Variants in COL25A1 observed in about 807,000 individuals in gnomAD.
COL25A1 encodes the protein collagen alpha-1(XXV) chain.
A neutral mutation model predicts 128.4 loss-of-function variants in COL25A1; 103 were observed. The observed-to-expected ratio is 0.80, with a 90% CI of 0.68 to 0.94. COL25A1 has a LOEUF of 0.94. Among genes scored for constraint, COL25A1 ranks in the 40% least tolerant of loss-of-function variants. The probability of loss-of-function intolerance (pLI) is 0.00; values close to 1 mark genes in which losing one functional copy is unlikely to be tolerated. For missense variants in COL25A1, 745 were observed against 840.0 expected, an observed-to-expected ratio of 0.89 and a Z score of 1.40; for synonymous variants, 279 against 277.2, an observed-to-expected ratio of 1.01 and a Z score of -0.06.
chr4:109,241,923 A>T (rs969444567), intron 3 of COL25A1, among the ~76,000 whole-genome samples: 1 of 152,026 alleles, frequency 6.6e-6, no homozygotes, highest in African/African-American at 2.4e-5. Flanking sequence ...ATATACTTCT[A>T]CTGCACTTTT....
chr4:109,197,021 A>G (rs1034133337), intron 3 of COL25A1, among the ~76,000 whole-genome samples: 2 of 152,064 alleles, frequency 1.3e-5, no homozygotes, highest in African/African-American at 2.4e-5. Context: ...GTAAATATGT[A>G]AAGTCACAGG....
intron 3 of COL25A1, among the ~76,000 whole-genome samples, chr4:109,069,684 G>A (rs1762751161): frequency 6.6e-6 from 1 of 152,148 alleles, no homozygotes; most frequent in African/African-American, 2.4e-5. Flanking sequence ...GACGTGCAGT[G>A]CAAGCCAAGA....
At chr4:109,239,732 A>T (rs1285219767) in intron 3 of COL25A1, among the ~76,000 whole-genome samples, 1 of 151,892 alleles carries the variant, frequency 6.6e-6, no homozygotes, top group African/African-American at 2.4e-5. Flanking sequence ...TTTATTTTTT[A>T]AAATTTTCTC....
chr4:108,932,229 T>C (rs1746839813), intron 11 of COL25A1, among the ~76,000 whole-genome samples: 1 of 152,200 alleles, frequency 6.6e-6, no homozygotes, highest in Admixed American at 6.5e-5. Context: ...AAATTGAACA[T>C]ATTTAAAGTA....
At chr4:109,041,989 G>A (rs548822134) in intron 5 of COL25A1, among the ~76,000 whole-genome samples, 11 of 152,216 alleles carry the variant, frequency 7.2e-5, no homozygotes, top group South Asian at 2.1e-4. Context: ...GAAATAGACC[G>A]TAGGAAAAAA....
rs1413657808 is a variant in COL25A1, at chr4:108,886,488, G to GTTTTTTT, written c.976-2267_976-2266insAAAAAAA. On this transcript the variant is annotated intron_variant, in intron 18 of 37. Coordinates refer to ENST00000399132, the MANE Select transcript of COL25A1 (RefSeq NM_198721.4). ...TGTGTGTGTGTGTGTGTGTGTGTGT[G>GTTTTTTT]TGTGTTTAGCTCATCAGCTATTTTA... Among the ~76,000 whole-genome samples the GTTTTTTT allele has an allele frequency of 1.9e-3, 92 of 49,462 alleles. 1 individual carries two copies. The highest frequency in any genetic ancestry group is 5.9e-3 in the African/African-American group (91 of 15,478). The allele number at this position is 49,462 out of a possible 152,430, so 32.4% of individuals were successfully genotyped here. A position where few individuals can be genotyped will look rare whatever the true frequency, so the allele number is the denominator to read the frequency against.
chr4:109,285,789 C>T (rs925110292), intron 3 of COL25A1, among the ~76,000 whole-genome samples: 2 of 152,154 alleles, frequency 1.3e-5, no homozygotes, highest in Non-Finnish European at 2.9e-5. Flanking sequence ...GAAATCAATC[C>T]TGGTAGGATA....
chr4:108,895,820 A>G (rs1441482731), intron 16 of COL25A1, among the ~76,000 whole-genome samples: 1 of 151,552 alleles, frequency 6.6e-6, no homozygotes, highest in African/African-American at 2.4e-5. Context: ...TGCACCCATC[A>G]CCCAAGCAAT....
intron 3 of COL25A1, among the ~76,000 whole-genome samples, chr4:109,291,470 A>C (rs1446871745): frequency 6.6e-6 from 1 of 152,108 alleles, no homozygotes; most frequent in Admixed American, 6.6e-5. Context: ...AAAGTCTCAG[A>C]GATCTTAGAA....
intron 20 of COL25A1, among the ~76,000 whole-genome samples, chr4:108,867,096 T>C (rs867108809): frequency 6.6e-6 from 1 of 152,158 alleles, no homozygotes; most frequent in Admixed American, 6.6e-5. Context: ...CATCTGGAAA[T>C]TTTTCTGAAA....
At chr4:108,983,589 G>A (rs1281380220) in intron 6 of COL25A1, among the ~76,000 whole-genome samples, 4 of 152,156 alleles carry the variant, frequency 2.6e-5, no homozygotes, top group African/African-American at 4.8e-5. Flanking sequence ...GAATGAAGCC[G>A]CGGACCCTCG....
chr4:108,846,383 T>C (rs1735102582), intron 27 of COL25A1, among the ~76,000 whole-genome samples, 164 bp from the exon 28 acceptor site: 1 of 152,230 alleles, frequency 6.6e-6, no homozygotes, highest in Admixed American at 6.5e-5. Flanking sequence ...AGCAACCTTC[T>C]ACATGCAATC....
chr4:109,231,985 C>T (rs558226003), intron 3 of COL25A1, among the ~76,000 whole-genome samples: 77 of 152,226 alleles, frequency 5.1e-4, no homozygotes, highest in African/African-American at 1.8e-3. Flanking sequence ...AGTTCTTTGG[C>T]CCTGGATAAT....
chr4:108,848,309 G>A lies in COL25A1; in HGVS notation c.1434+450C>T, dbSNP rs907385833. Among the ~76,000 whole-genome samples, 7 of 152,186 alleles carry A rather than the reference G, an allele frequency of 4.6e-5. No individual in the cohort carries two copies. The East Asian group carries it at 1.4e-3, about 29-fold the overall frequency. On this transcript the variant is annotated intron_variant, in intron 27 of 37. Transcript: ENST00000399132. ...CTGTCAAGCTACAAGTTCCCTGCTT[G>A]TTTCTGTATTTTCTAAGGATCTAGG...
At position 108,824,160 on chromosome 4, in the gene COL25A1, G is replaced by A; in HGVS notation, c.1845+14C>T. 1 of 1,614,048 alleles carries A rather than the reference G, an allele frequency of 6.2e-7. No homozygotes were observed. The highest frequency in any genetic ancestry group is 8.5e-7 in the Non-Finnish European group (1 of 1,179,948). On this transcript the variant is annotated intron_variant, in intron 35 of 37. Coordinates refer to ENST00000399132, the MANE Select transcript of COL25A1 (RefSeq NM_198721.4). Reference sequence around the variant, plus strand: ...AAGAATCAAACAAGGTACATGCTGGGATGGAGAGGTCACCTTTTCTCCCTT... The same window carrying A: ...AAGAATCAAACAAGGTACATGCTGGAATGGAGAGGTCACCTTTTCTCCCTT...
chr4:109,212,605 T>C (rs1777662140), intron 3 of COL25A1, among the ~76,000 whole-genome samples: 1 of 152,068 alleles, frequency 6.6e-6, no homozygotes, highest in African/African-American at 2.4e-5. Context: ...TATGCCCATG[T>C]CAGAAGGGAA....
At position 109,084,035 on chromosome 4, in the gene COL25A1, ACTCAT is replaced by A. The variant is rs1560661073; in HGVS notation, c.368-33861_368-33857del. 5.4e-4 allele frequency among the ~76,000 whole-genome samples: 82 copies of A among 152,268 alleles called. 1 individual carries two copies. The highest frequency in any genetic ancestry group is 1.9e-3 in the African/African-American group (79 of 41,550). ...AAAAAGGAATAATCCACTACACAAG[ACTCAT>A]TTTGTGTCACAAACTCTACAAAGCT... is the stretch of plus-strand genomic sequence containing the variant. On this transcript the variant is annotated intron_variant, in intron 3 of 37. Coordinates refer to ENST00000399132, the MANE Select transcript of COL25A1 (RefSeq NM_198721.4).
At chr4:109,175,708 T>A (rs1774030422) in intron 3 of COL25A1, among the ~76,000 whole-genome samples, 1 of 152,220 alleles carries the variant, frequency 6.6e-6, no homozygotes. Context: ...TATTGAACTT[T>A]TAGCCATTCA....
intron 30 of COL25A1, among the ~76,000 whole-genome samples, chr4:108,843,611 C>T (rs990665907): frequency 3.3e-5 from 5 of 152,170 alleles, no homozygotes; most frequent in African/African-American, 1.2e-4. Context: ...CTGCAAGACA[C>T]CTGCAGTTAA....
Sources: gnomAD v4.1 joint callset for allele counts (sites outside exome capture counted in the v4.1 genomes callset) on GRCh38, gnomAD v4.1.1 for gene constraint, MANE v1.5 for transcripts, NCBI Gene and HGNC (gene_info 2026-07-23, HGNC 2026-07-21) for gene names.